TASP1: variants seen among roughly 807,000 people sequenced by gnomAD.
TASP1 encodes the protein threonine aspartase 1.
In TASP1, 16 loss-of-function variants were observed where a neutral mutation model predicts 56.6. The ratio of observed to expected loss-of-function variants is 0.28; its 90% CI spans 0.19 to 0.43. TASP1 has a LOEUF of 0.43. TASP1 is among the 20% of genes least tolerant of loss of function. The pLI is 1.00. For synonymous variants in TASP1, 179 were observed against 184.2 expected, an observed-to-expected ratio of 0.97 and a Z score of 0.23; for missense variants, 393 against 511.6, an observed-to-expected ratio of 0.77 and a Z score of 2.24.
the TASP1 span, among the ~76,000 whole-genome samples, chr20:13,285,012 C>T: frequency 6.6e-6 from 1 of 152,188 alleles, no homozygotes; most frequent in Non-Finnish European, 1.5e-5. Flanking sequence ...CCAGGCCAGG[C>T]ATGGTGACGT....
the TASP1 span, among the ~76,000 whole-genome samples, chr20:13,108,661 G>A: frequency 3.3e-5 from 5 of 150,118 alleles, no homozygotes; most frequent in South Asian, 2.1e-4. Context: ...TGCAACATCC[G>A]TCTCCTGGGT....
the TASP1 span, among the ~76,000 whole-genome samples, chr20:13,362,808 A>AATATATATATATATATATATATTATAT: frequency 2.6e-4 from 30 of 114,846 alleles, no homozygotes; most frequent in African/African-American, 9.4e-4. Flanking sequence ...AATAGCAAGA[A>AATATATATATATATATATATATTATAT]ATATATATAT....
the TASP1 span, among the ~76,000 whole-genome samples, chr20:13,214,523 A>G: frequency 1.7e-5 from 1 of 57,800 alleles, no homozygotes; most frequent in Non-Finnish European, 2.9e-5. Flanking sequence ...AGACAGGCAC[A>G]CACACACACA....
the TASP1 span, among the ~76,000 whole-genome samples, chr20:13,149,405 T>A: frequency 1.3e-5 from 2 of 152,244 alleles, no homozygotes. Context: ...CCAACATAAT[T>A]AATAAAATCA....
chr20:13,271,640 T>A, the TASP1 span, among the ~76,000 whole-genome samples: 1 of 152,304 alleles, frequency 6.6e-6, no homozygotes, highest in East Asian at 1.9e-4. Context: ...CCAACCCACA[T>A]TCAGAGGCAA....
chr20:13,482,933 C>T (rs1447395614), intron 11 of TASP1, among the ~76,000 whole-genome samples: 2 of 152,156 alleles, frequency 1.3e-5, no homozygotes, highest in Non-Finnish European at 2.9e-5. Flanking sequence ...CACATTTTGC[C>T]ACTGGTCAAT....
chr20:13,406,668 C>CTTT (rs149352395), intron 13 of TASP1, among the ~76,000 whole-genome samples: 2 of 117,690 alleles, frequency 1.7e-5, no homozygotes, highest in African/African-American at 3.1e-5. Flanking sequence ...AGGGTTTTTT[C>CTTT]TTTTTTTTTT....
rs548233533 is a variant in TASP1, at chr20:13,470,684, T to C, written c.985+12543A>G. Among the ~76,000 whole-genome samples, 6 of 152,324 alleles carry C rather than the reference T, an allele frequency of 3.9e-5. No individual in the cohort carries two copies. In the South Asian group the frequency reaches 8.3e-4, roughly 21 times the overall value. ...ACTTGTACACATTTTAGAAGCAAAG[T>C]TGATGGATATCAGTCACCTATTGAC... is the stretch of plus-strand genomic sequence containing the variant. On this transcript the variant is annotated intron_variant, in intron 11 of 13. Transcript: ENST00000337743.
chr20:13,521,057 A>G (rs141008833), intron 10 of TASP1, among the ~76,000 whole-genome samples: 42 of 152,366 alleles, frequency 2.8e-4, no homozygotes, highest in African/African-American at 9.6e-4. Context: ...AGAAATACGT[A>G]TCAAAACCAC....
the TASP1 span, among the ~76,000 whole-genome samples, chr20:13,251,287 T>C: frequency 6.6e-6 from 1 of 152,182 alleles, no homozygotes; most frequent in Non-Finnish European, 1.5e-5. Flanking sequence ...ATTCTGGCAG[T>C]GGATAAGTCA....
chr20:13,417,423 G>T, intron 13 of TASP1, 25 bp downstream of exon 13: 1 of 1,613,544 alleles, frequency 6.2e-7, no homozygotes, highest in Non-Finnish European at 8.5e-7. Context: ...AGGTTTTCAG[G>T]TTATGACCGT....
chr20:13,353,469 AT>A, the TASP1 span, among the ~76,000 whole-genome samples: 1 of 152,180 alleles, frequency 6.6e-6, no homozygotes, highest in East Asian at 1.9e-4. Context: ...TGCTAGTTAT[AT>A]TTTTGCTAAC....
At chr20:13,334,811 G>C in the TASP1 span, among the ~76,000 whole-genome samples, 3 of 152,022 alleles carry the variant, frequency 2.0e-5, no homozygotes, top group Non-Finnish European at 4.4e-5. Context: ...TAAAATGACA[G>C]TCAAATAATT....
At chr20:13,143,024 G>A in the TASP1 span, among the ~76,000 whole-genome samples, 34 of 152,272 alleles carry the variant, frequency 2.2e-4, no homozygotes, top group African/African-American at 8.2e-4. Flanking sequence ...CTGAAGTTTT[G>A]TGCCCTTTGT....
the TASP1 span, among the ~76,000 whole-genome samples, chr20:13,181,703 A>G: frequency 4.3e-4 from 65 of 152,320 alleles, no homozygotes; most frequent in Non-Finnish European, 8.8e-5. Flanking sequence ...TCAGAGGTCA[A>G]GTAGACCTAG....
the TASP1 span, among the ~76,000 whole-genome samples, chr20:13,383,553 C>A: frequency 1.3e-5 from 2 of 152,144 alleles, no homozygotes; most frequent in African/African-American, 4.8e-5. Flanking sequence ...TGATGCTGGG[C>A]CATTATGGAC....
intron 5 of TASP1, among the ~76,000 whole-genome samples, chr20:13,584,773 G>C (rs2047244729): frequency 6.6e-6 from 1 of 151,996 alleles, no homozygotes; most frequent in African/African-American, 2.4e-5. Context: ...AACAAAGAAA[G>C]CTAACTAAAA....
At chr20:13,584,589 C>A (rs1273234686) in intron 5 of TASP1, among the ~76,000 whole-genome samples, 2 of 152,170 alleles carry the variant, frequency 1.3e-5, no homozygotes, top group African/African-American at 4.8e-5. Flanking sequence ...ACCTAAGTGA[C>A]ACACACAGAG....
chr20:13,620,814 T>C (rs530281869), intron 4 of TASP1, among the ~76,000 whole-genome samples: 3 of 152,346 alleles, frequency 2.0e-5, no homozygotes, highest in South Asian at 4.1e-4. Context: ...GCTACTTATA[T>C]TTCTCTAAGT....
Sources: allele counts gnomAD v4.1 joint callset (sites outside exome capture counted in the v4.1 genomes callset), GRCh38; gene constraint gnomAD v4.1.1; transcripts MANE v1.5; gene names NCBI Gene and HGNC (gene_info 2026-07-23, HGNC 2026-07-21).